CDH18: variants seen among roughly 807,000 people sequenced by gnomAD.
CDH18 encodes the protein cadherin-18.
In CDH18, 31 loss-of-function variants were observed where a neutral mutation model predicts 67.9. That is an observed-to-expected ratio of 0.46 (90% CI 0.34 to 0.62). CDH18 has a LOEUF of 0.62. Ranked by LOEUF, CDH18 falls within the 20% of genes least tolerant of loss-of-function variation. The pLI is 0.01. For synonymous variants in CDH18, 362 were observed against 347.2 expected (o/e 1.04, Z -0.48); for missense variants, 890 against 975.5 (o/e 0.91, Z 1.17).
At chr5:20,201,909 T>C (rs1485707795) in intron 2 of CDH18, among the ~76,000 whole-genome samples, 1 of 152,188 alleles carries the variant, frequency 6.6e-6, no homozygotes, top group Non-Finnish European at 1.5e-5. Flanking sequence ...CAGGAAAACA[T>C]TCAGGCAAGG....
At chr5:19,875,694 T>C (rs917073881) in intron 2 of CDH18, among the ~76,000 whole-genome samples, 2 of 151,982 alleles carry the variant, frequency 1.3e-5, no homozygotes, top group Admixed American at 6.6e-5. Context: ...TCTTTTATAT[T>C]GTTGAATCTA....
intron 3 of CDH18, among the ~76,000 whole-genome samples, chr5:19,823,235 G>A (rs753505789): frequency 3.9e-4 from 59 of 152,094 alleles, no homozygotes; most frequent in Non-Finnish European, 4.9e-4. Context: ...GGGTCCTGAG[G>A]TGACATACAT....
At chr5:20,075,633 CAT>C (rs1197417862) in intron 2 of CDH18, among the ~76,000 whole-genome samples, 18 of 152,044 alleles carry the variant, frequency 1.2e-4, no homozygotes, top group Admixed American at 1.2e-3. Flanking sequence ...AACACTAGAA[CAT>C]AGTTTTCAAA....
intron 2 of CDH18, among the ~76,000 whole-genome samples, chr5:20,002,696 C>T (rs1264920650): frequency 2.0e-5 from 3 of 152,024 alleles, no homozygotes; most frequent in South Asian, 2.1e-4. Flanking sequence ...GAATGATTTG[C>T]GGAGATATCA....
At chr5:19,964,419 G>GAAA (rs541619780) in intron 2 of CDH18, among the ~76,000 whole-genome samples, 1 of 119,878 alleles carries the variant, frequency 8.3e-6, no homozygotes, top group Non-Finnish European at 1.8e-5. Flanking sequence ...TGTCTCTACA[G>GAAA]AAAAAAAAAA....
chr5:19,968,362 C>G (rs1797679799), intron 2 of CDH18, among the ~76,000 whole-genome samples: 2 of 152,096 alleles, frequency 1.3e-5, no homozygotes. Flanking sequence ...CATATGGAAC[C>G]AAAAAAGAGC....
chr5:19,599,519 A>G (rs1260843012), intron 6 of CDH18, among the ~76,000 whole-genome samples: 2 of 152,166 alleles, frequency 1.3e-5, no homozygotes, highest in Non-Finnish European at 2.9e-5. Flanking sequence ...CATATACATA[A>G]GTGAGAAAAG....
At chr5:20,465,403 A>G (rs1561030674) in intron 1 of CDH18, among the ~76,000 whole-genome samples, 1 of 152,068 alleles carries the variant, frequency 6.6e-6, no homozygotes, top group Non-Finnish European at 1.5e-5. Flanking sequence ...CTTCCAGAAG[A>G]CTAAATATTG....
At chr5:19,537,993 C>T (rs1001982579) in intron 9 of CDH18, among the ~76,000 whole-genome samples, 3 of 151,926 alleles carry the variant, frequency 2.0e-5, no homozygotes, top group Admixed American at 6.6e-5. Flanking sequence ...AAAGAAATGA[C>T]GGAAAGATAA....
At chr5:19,509,527 T>A (rs568632807) in intron 10 of CDH18, among the ~76,000 whole-genome samples, 28 of 152,328 alleles carry the variant, frequency 1.8e-4, no homozygotes, top group African/African-American at 6.7e-4. Context: ...CATACATTTA[T>A]TTGATAACAT....
chr5:20,227,147 C>G (rs966265957), intron 2 of CDH18, among the ~76,000 whole-genome samples: 1 of 152,040 alleles, frequency 6.6e-6, no homozygotes, highest in African/African-American at 2.4e-5. Context: ...TTTCCCTTTC[C>G]TTTCTTGCAC....
intron 4 of CDH18, among the ~76,000 whole-genome samples, chr5:19,726,430 G>A (rs959521230): frequency 1.3e-5 from 2 of 152,094 alleles, no homozygotes; most frequent in Non-Finnish European, 2.9e-5. Flanking sequence ...ACTGTACTTC[G>A]GTAGTGCCTG....
At chr5:19,750,709 A>G (rs1245550848) in intron 3 of CDH18, among the ~76,000 whole-genome samples, 1 of 152,002 alleles carries the variant, frequency 6.6e-6, no homozygotes, top group African/African-American at 2.4e-5. Context: ...TTACAGTGAA[A>G]TAAGTAAAAA....
At chr5:19,848,169 T>A (rs1218275638) in intron 2 of CDH18, 1 of 152,194 alleles carries the variant, frequency 6.6e-6, no homozygotes, top group Non-Finnish European at 1.5e-5. Context: ...AATTTTCTCA[T>A]GAGCCATTAG....
chr5:19,912,692 T>C (rs1398189296), intron 2 of CDH18, among the ~76,000 whole-genome samples: 1 of 152,138 alleles, frequency 6.6e-6, no homozygotes, highest in African/African-American at 2.4e-5. Flanking sequence ...AGAAGAATGA[T>C]GAAAAACTGC....
chr5:19,778,273 C>T (rs951536023), intron 3 of CDH18, among the ~76,000 whole-genome samples: 1 of 152,182 alleles, frequency 6.6e-6, no homozygotes, highest in Non-Finnish European at 1.5e-5. Flanking sequence ...TCCCTCCCCG[C>T]AGCCAATATC....
At chr5:20,334,026 A>G (rs1739450622) in intron 1 of CDH18, among the ~76,000 whole-genome samples, 2 of 152,084 alleles carry the variant, frequency 1.3e-5, no homozygotes, top group Admixed American at 6.5e-5. Context: ...GAATGCCAAG[A>G]GAGGGAATGA....
chr5:20,139,170 C>T (rs1580330873), intron 2 of CDH18, among the ~76,000 whole-genome samples: 1 of 152,130 alleles, frequency 6.6e-6, no homozygotes, highest in East Asian at 1.9e-4. Flanking sequence ...CACACATCTA[C>T]AACCATCTGA....
chr5:20,310,397 C>T (rs1033100796), intron 1 of CDH18, among the ~76,000 whole-genome samples: 1 of 152,070 alleles, frequency 6.6e-6, no homozygotes, highest in African/African-American at 2.4e-5. Context: ...AGTTTGTAAT[C>T]CACATTTTAT....
Sources: gnomAD v4.1 joint callset for allele counts (sites outside exome capture counted in the v4.1 genomes callset) on GRCh38, gnomAD v4.1.1 for gene constraint, MANE v1.5 for transcripts, NCBI Gene and HGNC (gene_info 2026-07-23, HGNC 2026-07-21) for gene names.